C18orf54: variants seen among roughly 807,000 people sequenced by gnomAD.
The protein encoded by C18orf54 is chromosome 18 open reading frame 54.
In C18orf54, 49 loss-of-function variants were observed where a neutral mutation model predicts 49.3. That is an observed-to-expected ratio of 0.99 (90% CI 0.79 to 1.26). C18orf54 has a LOEUF of 1.26. Among genes scored for constraint, C18orf54 ranks in the 50% most tolerant of loss-of-function variants. The pLI is 0.00. For synonymous variants in C18orf54, 211 were observed against 216.6 expected, an observed-to-expected ratio of 0.97 and a Z score of 0.23; for missense variants, 687 against 620.6, an observed-to-expected ratio of 1.11 and a Z score of -1.14.
intron 2 of C18orf54, 76 bp from the exon 3 acceptor site, chr18:54,360,451 G>T: frequency 2.3e-6 from 2 of 866,590 alleles, no homozygotes; most frequent in Non-Finnish European, 3.5e-6. Flanking sequence ...ATTACAAAAG[G>T]TTTACATATT....
At chr18:54,370,141 G>T (rs1177292099) in intron 6 of C18orf54, among the ~76,000 whole-genome samples, 7 of 152,070 alleles carry the variant, frequency 4.6e-5, no homozygotes, top group Non-Finnish European at 1.0e-4. Flanking sequence ...GCCGGTTCTG[G>T]TGGCGGGCGC....
chr18:54,361,081 T>C (rs2089260148), intron 3 of C18orf54, among the ~76,000 whole-genome samples: 1 of 152,172 alleles, frequency 6.6e-6, no homozygotes, highest in African/African-American at 2.4e-5. Flanking sequence ...TGAAGACAAG[T>C]TTGGAAAATG....
Position 54,365,724 on chromosome 18 carries a change from C to T in C18orf54, c.1229C>T (p.Ser410Phe), listed in dbSNP as rs1218329054. The change falls in exon 6 of 9, where the codon TCT becomes TTT. Residue 410 changes from serine to phenylalanine, a missense_variant. Coordinates refer to ENST00000620105, the MANE Select transcript of C18orf54 (RefSeq NM_001288980.2). ...SWENIPVTFK[S>F]PVPVNSDDSP... ...ATCCTTTAAATCCTGTTTAGCAAAT[C>T]TCCTGTTCCCGTTAACTCTGATGAT... is the stretch of plus-strand genomic sequence containing the variant. The T allele has an allele frequency of 1.3e-6, 2 of 1,582,650 alleles. No individual in the cohort carries two copies. Among genetic ancestry groups the T allele is most frequent in the Non-Finnish European group, 1.7e-6 (2 of 1,158,318 alleles).
intron 6 of C18orf54, among the ~76,000 whole-genome samples, chr18:54,369,748 C>CATG (rs2089452056): frequency 6.6e-6 from 1 of 152,156 alleles, no homozygotes; most frequent in South Asian, 2.1e-4. Context: ...GGATTACAGG[C>CATG]ATGAGCCACC....
intron 6 of C18orf54, among the ~76,000 whole-genome samples, chr18:54,368,806 C>T (rs1447222450): frequency 6.6e-6 from 1 of 151,914 alleles, no homozygotes; most frequent in Non-Finnish European, 1.5e-5. Flanking sequence ...TAACTGAAAA[C>T]CTTGTATAAT....
intron 6 of C18orf54, among the ~76,000 whole-genome samples, chr18:54,367,513 A>G (rs1470000444): frequency 7.5e-6 from 1 of 133,464 alleles, no homozygotes; most frequent in East Asian, 2.3e-4. Context: ...TTGGCTTGCG[A>G]TTTTTCTTTT....
Position 54,380,970 on chromosome 18 carries a change from A to G in C18orf54, c.*2724A>G, listed in dbSNP as rs2089660162. The G allele has an allele frequency of 1.3e-5, 2 of 152,178 alleles. No individual in the cohort carries two copies. The highest frequency in any genetic ancestry group is 2.9e-5 in the Non-Finnish European group (2 of 68,002). 9.4% of individuals were successfully genotyped at this position (152,178 alleles called of 1,614,324 possible). A position where few individuals can be genotyped will look rare whatever the true frequency, so the allele number is the denominator to read the frequency against. ...AAGACAGAAGAAGCAAAAGGCTAAT[A>G]CAGTGGATAATTTCTGAGCACTTGA... On this transcript the variant is annotated 3_prime_UTR_variant, in exon 9 of 9. Coordinates refer to ENST00000620105, the MANE Select transcript of C18orf54 (RefSeq NM_001288980.2).
At chr18:54,374,885 T>C (rs1599349972) in intron 8 of C18orf54, among the ~76,000 whole-genome samples, 1 of 152,048 alleles carries the variant, frequency 6.6e-6, no homozygotes, top group East Asian at 1.9e-4. Flanking sequence ...AGATTAAAAG[T>C]TTCTACTCTA....
chr18:54,362,019 C>A lies in C18orf54; in HGVS notation c.660C>A (p.Pro220=). ...TTTCTGAATCATCTTTGTCTTTTCC[C>A]AAGAAATCGTCTTTCAAGGACAGTT... ...NCISESSLSF[P]KKSSFKDSSE... is the part of the protein sequence containing the mutation. Residue 220 remains proline, a synonymous_variant, in exon 4 of 9, where the codon CCC becomes CCA. Transcript: ENST00000620105. 1 of 1,600,410 alleles carries A rather than the reference C, an allele frequency of 6.2e-7. No individual in the cohort carries two copies. Among genetic ancestry groups the A allele is most frequent in the South Asian group, 1.1e-5 (1 of 89,482 alleles).
intron 6 of C18orf54, among the ~76,000 whole-genome samples, chr18:54,370,351 A>G (rs1231604535): frequency 6.6e-6 from 1 of 152,182 alleles, no homozygotes; most frequent in African/African-American, 2.4e-5. Flanking sequence ...ATTTATTATC[A>G]GTAATCTAGA....
chr18:54,374,007 GTA>G (rs1291226836), intron 7 of C18orf54, among the ~76,000 whole-genome samples: 2 of 151,766 alleles, frequency 1.3e-5, no homozygotes, highest in African/African-American at 4.8e-5. Context: ...ATGTGTAGAA[GTA>G]TACTTTAGGA....
intron 7 of C18orf54, among the ~76,000 whole-genome samples, chr18:54,373,125 T>C (rs2089517392): frequency 6.6e-6 from 1 of 151,844 alleles, no homozygotes; most frequent in Non-Finnish European, 1.5e-5. Context: ...GTTTCTGTTT[T>C]AGGCTGCCAT....
intron 6 of C18orf54, among the ~76,000 whole-genome samples, chr18:54,368,151 A>T (rs2089420756): frequency 6.6e-6 from 1 of 151,898 alleles, no homozygotes; most frequent in East Asian, 1.9e-4. Flanking sequence ...AAAAAACATG[A>T]TTTTGAATTC....
chr18:54,358,333 A>G (rs2144708919), intron 1 of C18orf54, among the ~76,000 whole-genome samples: 1 of 152,278 alleles, frequency 6.6e-6, no homozygotes, highest in East Asian at 1.9e-4. Flanking sequence ...GGGGGCTCAC[A>G]CGGGCGTCTG....
In C18orf54 at chr18:54,381,655, T is replaced by C. The variant is rs981014062; in HGVS notation, c.*3409T>C. ...AATTTTTATTCTTTTATCTAACGCT[T>C]ACTCTTACATTTCTTTAAAGCTCTG... On this transcript the variant is annotated 3_prime_UTR_variant, in exon 9 of 9. Coordinates refer to ENST00000620105, the MANE Select transcript of C18orf54 (RefSeq NM_001288980.2). The C allele has an allele frequency of 1.3e-5, 2 of 152,222 alleles. No individual in the cohort carries two copies. The highest frequency in any genetic ancestry group is 2.4e-5 in the African/African-American group (1 of 41,458). 9.4% of individuals were successfully genotyped at this position (152,222 alleles called of 1,614,324 possible).
intron 8 of C18orf54, among the ~76,000 whole-genome samples, chr18:54,376,271 CTCAGTTT>C (rs1486876069): frequency 6.6e-6 from 1 of 152,188 alleles, no homozygotes; most frequent in Non-Finnish European, 1.5e-5. Flanking sequence ...CCCTTAAATA[CTCAGTTT>C]TCTTATATTC....
At chr18:54,378,089 A>T (rs978110438) in intron 8 of C18orf54, 85 bp from the exon 9 acceptor site, 30 of 335,666 alleles carry the variant, frequency 8.9e-5, no homozygotes, top group African/African-American at 2.3e-4. Flanking sequence ...GTTAATAGTC[A>T]ACTTTATTTA....
chr18:54,358,112 T>C (rs1328616077), intron 1 of C18orf54, 37 bp downstream of exon 1: 1 of 152,710 alleles, frequency 6.5e-6, no homozygotes, highest in Non-Finnish European at 1.5e-5. Context: ...TATTTTTATT[T>C]TGGGGCCTTA....
chr18:54,361,494 C>T (rs1023253410), intron 3 of C18orf54, 149 bp from the exon 4 acceptor site: 2 of 621,748 alleles, frequency 3.2e-6, no homozygotes, highest in South Asian at 6.2e-5. Flanking sequence ...CCTGTTTTAT[C>T]CACCTACACC....
Sources: allele counts gnomAD v4.1 joint callset (sites outside exome capture counted in the v4.1 genomes callset), GRCh38; gene constraint gnomAD v4.1.1; transcripts MANE v1.5; gene names NCBI Gene and HGNC (gene_info 2026-07-23, HGNC 2026-07-21).